The following CYRIB variants were observed in gnomAD, a reference collection of about 807,000 sequenced individuals.
CYRIB encodes CYFIP-related Rac1 interactor B.
CYRIB carries 8 observed loss-of-function variants against 44.2 expected under a neutral mutation model. The observed-to-expected ratio is 0.18, with a 90% confidence interval of 0.11 to 0.33. The LOEUF is 0.33. Among genes scored for constraint, CYRIB ranks in the 10% least tolerant of loss-of-function variants. The pLI, the probability that CYRIB is intolerant of heterozygous loss-of-function variation, is 1.00. For synonymous variants in CYRIB, 131 were observed against 127.2 expected (o/e 1.03, Z -0.20); for missense variants, 185 against 382.8 (o/e 0.48, Z 4.31).
At chr8:129,932,512 C>T (rs555488302) in intron 1 of CYRIB, among the ~76,000 whole-genome samples, 1 of 152,176 alleles carries the variant, frequency 6.6e-6, no homozygotes, top group Non-Finnish European at 1.5e-5. Context: ...CTACCTGGTC[C>T]TCTTCACATC....
chr8:129,930,247 T>C lies in CYRIB; in HGVS notation c.-50+9361A>G, dbSNP rs545451442. Among the ~76,000 whole-genome samples, 5 of 150,106 alleles carry C rather than the reference T, an allele frequency of 3.3e-5. No homozygotes were observed. The South Asian group carries it at 1.1e-3, about 32-fold the overall frequency. On this transcript the variant is annotated intron_variant, in intron 1 of 11. Coordinates refer to ENST00000519824, the Ensembl canonical transcript of CYRIB. ...ACAAACAAATAAAACTGTTCATTCA[T>C]CTCTTACTTATGAGACCCTAACAAG...
intron 2 of CYRIB, among the ~76,000 whole-genome samples, chr8:129,892,024 T>C (rs538502746): frequency 6.6e-6 from 1 of 152,276 alleles, no homozygotes. Context: ...CACTCTTCCA[T>C]GATTCCAGCC....
chr8:130,006,607 C>CACATATATATATGTATATATATATAT (rs1359122569), intron 1 of CYRIB, among the ~76,000 whole-genome samples: 2 of 7,136 alleles, frequency 2.8e-4, no homozygotes, highest in Non-Finnish European at 5.9e-4. Flanking sequence ...TATATATATA[C>CACATATATATATGTATATATATATAT]ATATATATGT....
intron 2 of CYRIB, among the ~76,000 whole-genome samples, chr8:129,888,670 A>G (rs1022740657): frequency 6.6e-6 from 1 of 152,058 alleles, no homozygotes; most frequent in Non-Finnish European, 1.5e-5. Flanking sequence ...TGTTACTCTT[A>G]TCTATTTACT....
intron 2 of CYRIB, among the ~76,000 whole-genome samples, chr8:129,946,818 G>A (rs1168013910): frequency 1.3e-5 from 2 of 152,162 alleles, no homozygotes; most frequent in South Asian, 2.1e-4. Flanking sequence ...CCTGCAGGAA[G>A]AAAAAAGGGT....
At chr8:129,873,939 T>A (rs1472104394) in intron 3 of CYRIB, among the ~76,000 whole-genome samples, 1 of 151,996 alleles carries the variant, frequency 6.6e-6, no homozygotes, top group Non-Finnish European at 1.5e-5. Context: ...TGAAAGCTGC[T>A]GAAGACTGCT....
chr8:129,859,301 C>T (rs751101814), intron 5 of CYRIB, among the ~76,000 whole-genome samples: 7 of 152,180 alleles, frequency 4.6e-5, no homozygotes, highest in African/African-American at 9.7e-5. Flanking sequence ...GCTAACTAAA[C>T]GGCAGAGCCA....
chr8:129,924,252 C>T (rs1169101507), intron 1 of CYRIB, among the ~76,000 whole-genome samples: 14 of 121,404 alleles, frequency 1.2e-4, no homozygotes, highest in Non-Finnish European at 1.6e-4. Flanking sequence ...GCAGCCCAAG[C>T]GACAGAGTGA....
At chr8:129,933,420 C>G (rs1043755097) in intron 1 of CYRIB, among the ~76,000 whole-genome samples, 1 of 152,046 alleles carries the variant, frequency 6.6e-6, no homozygotes, top group African/African-American at 2.4e-5. Flanking sequence ...AAATAGGCAC[C>G]CAGGTAACCA....
At chr8:129,893,245 GGT>G (rs1255351106) in intron 2 of CYRIB, among the ~76,000 whole-genome samples, 1 of 152,146 alleles carries the variant, frequency 6.6e-6, no homozygotes, top group East Asian at 1.9e-4. Context: ...CAGTATCAGT[GGT>G]GGTAGTCGTT....
In CYRIB at chr8:130,012,433, G is replaced by A. The variant is rs548991316; in HGVS notation, c.-296+3937C>T. Among the ~76,000 whole-genome samples, 3 of 152,338 alleles carry A rather than the reference G, an allele frequency of 2.0e-5. No individual in the cohort carries two copies. The South Asian group carries it at 6.2e-4, about 32-fold the overall frequency. On this transcript the variant is annotated intron_variant, in intron 1 of 14. Coordinates refer to the CYRIB transcript ENST00000401979. ...CCAAAGGAAACTGAAGCTCTGTCAGGGGAGGGTAAGACATTGGATGCAGGG... is the reference window on the plus strand; with the variant it reads ...CCAAAGGAAACTGAAGCTCTGTCAGAGGAGGGTAAGACATTGGATGCAGGG...
chr8:129,968,265 G>A (rs2095561081), intron 2 of CYRIB, among the ~76,000 whole-genome samples: 1 of 152,182 alleles, frequency 6.6e-6, no homozygotes, highest in Admixed American at 6.5e-5. Context: ...CTTTAGCTAT[G>A]TCTAATCTGT....
intron 1 of CYRIB, among the ~76,000 whole-genome samples, chr8:130,015,928 G>A (rs1435151098): frequency 6.6e-6 from 1 of 152,124 alleles, no homozygotes; most frequent in Non-Finnish European, 1.5e-5. Flanking sequence ...GCCCCTGATG[G>A]GAGGTGGCCG....
chr8:129,854,487 A>C, intron 6 of CYRIB, 144 bp from the exon 9 acceptor site: 2 of 595,366 alleles, frequency 3.4e-6, no homozygotes, highest in Non-Finnish European at 5.7e-6. Context: ...GTATAATCCA[A>C]GGTGGCTTAT....
intron 1 of CYRIB, among the ~76,000 whole-genome samples, chr8:130,006,600 A>ATG (rs2097087396): frequency 2.0e-5 from 1 of 50,378 alleles, no homozygotes; most frequent in Non-Finnish European, 3.4e-5. Flanking sequence ...CAAATTATAT[A>ATG]TATATACATA....
At chr8:129,982,927 C>G (rs2096292945) in intron 1 of CYRIB, among the ~76,000 whole-genome samples, 1 of 151,210 alleles carries the variant, frequency 6.6e-6, no homozygotes, top group Non-Finnish European at 1.5e-5. Flanking sequence ...TAGGTACAAA[C>G]ATACATGTCC....
intron 4 of CYRIB, chr8:129,864,877 T>C (rs926761972): frequency 6.0e-5 from 24 of 396,710 alleles, no homozygotes; most frequent in Admixed American, 2.6e-4. Flanking sequence ...CATAAAGCTA[T>C]AGAAGAAGTC....
At chr8:129,921,721 CA>C (rs2137160684) in intron 1 of CYRIB, among the ~76,000 whole-genome samples, 1 of 152,266 alleles carries the variant, frequency 6.6e-6, no homozygotes, top group African/African-American at 2.4e-5. Flanking sequence ...ATGTATTCAA[CA>C]TTACCCTATG....
chr8:129,905,538 G>A (rs1323252014), intron 1 of CYRIB, among the ~76,000 whole-genome samples: 1 of 152,124 alleles, frequency 6.6e-6, no homozygotes. Flanking sequence ...TGGGAGTCAC[G>A]TTCAAAGCCT....
Sources: gnomAD v4.1 joint callset for allele counts (sites outside exome capture counted in the v4.1 genomes callset) on GRCh38, gnomAD v4.1.1 for gene constraint, MANE v1.5 for transcripts, NCBI Gene and HGNC (gene_info 2026-07-23, HGNC 2026-07-21) for gene names.